The following PCYT1B variants were observed in gnomAD, a reference collection of about 807,000 sequenced individuals.
PCYT1B encodes the protein phosphate cytidylyltransferase 1B, choline, also known as choline-phosphate cytidylyltransferase B.
Under a neutral mutation model 26.4 loss-of-function variants are expected in PCYT1B, and 10 were observed. The ratio of observed to expected loss-of-function variants is 0.38; its 90% CI spans 0.23 to 0.64. PCYT1B has a LOEUF of 0.64. PCYT1B is among the 30% of genes least tolerant of loss of function. PCYT1B has a pLI of 0.56. For missense variants in PCYT1B, 161 were observed against 292.7 expected, an observed-to-expected ratio of 0.55 and a Z score of 3.28; for synonymous variants, 131 against 108.4, an observed-to-expected ratio of 1.21 and a Z score of -1.29.
Position 24,561,794 on chromosome X carries a change from T to C in PCYT1B, c.*499A>G. 1 of 337,197 alleles carries C rather than the reference T, an allele frequency of 3.0e-6. No individual in the cohort carries two copies. The highest frequency in any genetic ancestry group is 5.2e-6 in the Non-Finnish European group (1 of 191,435). The allele number at this position is 337,197 out of a possible 1,213,427, so 27.8% of individuals were successfully genotyped here. A position where few individuals can be genotyped will look rare whatever the true frequency, so the allele number is the denominator to read the frequency against. On this transcript the variant is annotated 3_prime_UTR_variant, in exon 8 of 8. Coordinates refer to ENST00000379144, the MANE Select transcript of PCYT1B (RefSeq NM_004845.5). ...GGTCTCAGTGGCTGGACTGAGGAGG[T>C]TGGAATCTGTCTTTTTCTCGACTAT... is the stretch of plus-strand genomic sequence containing the variant.
chrX:24,592,186 G>A (rs1924589913), intron 3 of PCYT1B, among the ~76,000 whole-genome samples: 1 of 112,031 alleles, frequency 8.9e-6, no homozygotes, highest in Non-Finnish European at 1.9e-5. Context: ...ATGAAATCCT[G>A]TCATTTATGG....
chrX:24,568,541 G>T (rs1923709946), intron 7 of PCYT1B, among the ~76,000 whole-genome samples: 1 of 111,073 alleles, frequency 9.0e-6, no homozygotes, highest in African/African-American at 3.3e-5. Flanking sequence ...AACAAAGGAA[G>T]ACCCTGTCTC....
intron 2 of PCYT1B, among the ~76,000 whole-genome samples, chrX:24,612,930 T>C (rs767855368): frequency 8.9e-6 from 1 of 112,541 alleles, no homozygotes; most frequent in South Asian, 3.7e-4. Context: ...GTGGCTATTT[T>C]AAGGCATTTA....
intron 2 of PCYT1B, among the ~76,000 whole-genome samples, chrX:24,608,587 C>T (rs955867667): frequency 1.3e-4 from 14 of 111,457 alleles, no homozygotes; most frequent in Admixed American, 5.7e-4. Flanking sequence ...GAACAACCAA[C>T]ACTATAGTCC....
intron 3 of PCYT1B, among the ~76,000 whole-genome samples, chrX:24,592,637 G>T (rs1038026733): frequency 1.8e-5 from 2 of 111,049 alleles, no homozygotes; most frequent in Admixed American, 1.9e-4. Context: ...GTTGAAGCTT[G>T]TCAGTCTGTG....
In PCYT1B at chrX:24,562,225, C is replaced by A; in HGVS notation, c.*68G>T. ...TGACTATTACCCTTCAAACACCACC[C>A]AGGCAACCCTGTGACTCTCGCCCTC... On this transcript the variant is annotated 3_prime_UTR_variant, in exon 8 of 8. Transcript: ENST00000379144. 8.5e-7 allele frequency: 1 copy of A among 1,178,677 alleles called. No individual in the cohort carries two copies. The highest frequency in any genetic ancestry group is 1.1e-6 in the Non-Finnish European group (1 of 877,949).
At chrX:24,582,955 C>T (rs1259369977) in intron 5 of PCYT1B, among the ~76,000 whole-genome samples, 1 of 111,843 alleles carries the variant, frequency 8.9e-6, no homozygotes, top group Non-Finnish European at 1.9e-5. Context: ...TGATGGAGCA[C>T]AAGGAAGGGT....
intron 1 of PCYT1B, among the ~76,000 whole-genome samples, chrX:24,664,815 G>C (rs982859139): frequency 9.0e-6 from 1 of 111,446 alleles, no homozygotes; most frequent in Non-Finnish European, 1.9e-5. Flanking sequence ...AAAATTACCT[G>C]GGCATGGTGG....
intron 1 of PCYT1B, among the ~76,000 whole-genome samples, chrX:24,641,682 T>C (rs752887235): frequency 1.2e-4 from 14 of 112,516 alleles, no homozygotes; most frequent in Non-Finnish European, 1.3e-4. Context: ...TCAGACTTAG[T>C]ATGAAGAAAA....
chrX:24,639,300 G>A (rs1445416550), intron 1 of PCYT1B, among the ~76,000 whole-genome samples: 1 of 112,342 alleles, frequency 8.9e-6, no homozygotes, highest in Non-Finnish European at 1.9e-5. Flanking sequence ...TTGCTTAAGT[G>A]CACACAATAA....
chrX:24,587,129 G>A, intron 5 of PCYT1B, 112 bp downstream of exon 5: 2 of 528,509 alleles, frequency 3.8e-6, no homozygotes, highest in East Asian at 3.6e-5. Context: ...GACACCTAAA[G>A]TTGTAACTCC....
At position 24,627,779 on chromosome X, in the gene PCYT1B, G is replaced by T. The variant is rs763166948; in HGVS notation, c.118-8695C>A. Among the ~76,000 whole-genome samples, 209 of 111,710 alleles carry T rather than the reference G, an allele frequency of 1.9e-3. 2 individuals are homozygous for T. The highest frequency in any genetic ancestry group is 6.3e-3 in the African/African-American group (195 of 30,815). ...AGGGGTCAGGGTGATCGCAGCGGAG[G>T]TGGTAAGAAGTGGTCAGATTCTGGA... On this transcript the variant is annotated intron_variant, in intron 1 of 7. Transcript: ENST00000379144.
At chrX:24,563,919 T>C (rs1007308807) in intron 7 of PCYT1B, among the ~76,000 whole-genome samples, 1 of 111,563 alleles carries the variant, frequency 9.0e-6, no homozygotes, top group Non-Finnish European at 1.9e-5. Flanking sequence ...CGGTGGCTTA[T>C]GCCTGCAATC....
At chrX:24,574,060 T>C (rs2148223934) in intron 7 of PCYT1B, among the ~76,000 whole-genome samples, 1 of 111,580 alleles carries the variant, frequency 9.0e-6, no homozygotes, top group African/African-American at 3.2e-5. Context: ...TAGATAATCC[T>C]ATAATGAATG....
At chrX:24,606,178 C>T (rs182442547) in intron 3 of PCYT1B, among the ~76,000 whole-genome samples, 1 of 110,763 alleles carries the variant, frequency 9.0e-6, no homozygotes, top group East Asian at 2.8e-4. Context: ...TTTACAAGAA[C>T]GTACTGAAAA....
intron 6 of PCYT1B, among the ~76,000 whole-genome samples, 195 bp downstream of exon 6, chrX:24,579,121 C>CA (rs1186187982): frequency 0.016 from 653 of 39,590 alleles, 1 homozygote; most frequent in African/African-American, 0.031. Flanking sequence ...GACCCTGTCT[C>CA]AAAAAAAAAA....
intron 1 of PCYT1B, among the ~76,000 whole-genome samples, chrX:24,660,930 G>A (rs1404763033): frequency 9.0e-6 from 1 of 111,404 alleles, no homozygotes; most frequent in Non-Finnish European, 1.9e-5. Context: ...AGTGAACCAT[G>A]GCAGTCTCTA....
chrX:24,622,604 C>T (rs1334506531), intron 1 of PCYT1B, among the ~76,000 whole-genome samples: 1 of 112,312 alleles, frequency 8.9e-6, no homozygotes, highest in African/African-American at 3.2e-5. Context: ...TCTTTGAGTA[C>T]CTACTTAGTG....
intron 6 of PCYT1B, 50 bp from the exon 7 acceptor site, chrX:24,575,368 T>C: frequency 1.1e-6 from 1 of 920,155 alleles, no homozygotes; most frequent in Admixed American, 3.1e-5. Context: ...CAAGAGGACA[T>C]GAGAGAGATC....
Sources: allele counts gnomAD v4.1 joint callset (sites outside exome capture counted in the v4.1 genomes callset), GRCh38; gene constraint gnomAD v4.1.1; transcripts MANE v1.5; gene names NCBI Gene and HGNC (gene_info 2026-07-23, HGNC 2026-07-21).